SCFD1: variants seen among roughly 807,000 people sequenced by gnomAD.
SCFD1 encodes sec1 family domain-containing protein 1.
SCFD1 carries 37 observed loss-of-function variants against 103.2 expected under a neutral mutation model. The observed-to-expected ratio is 0.36, with a 90% CI of 0.28 to 0.47. The LOEUF (loss-of-function observed/expected upper bound fraction) is 0.47, where lower values mean the gene tolerates loss of function less well. Among genes scored for constraint, SCFD1 ranks in the 20% least tolerant of loss-of-function variants. The probability of loss-of-function intolerance (pLI) is 1.00; values close to 1 mark genes in which losing one functional copy is unlikely to be tolerated. For synonymous variants in SCFD1, 264 were observed against 245.0 expected (o/e 1.08, Z -0.73); for missense variants, 639 against 761.2 (o/e 0.84, Z 1.89).
intron 23 of SCFD1, among the ~76,000 whole-genome samples, chr14:30,723,905 G>T (rs545464274): frequency 2.0e-5 from 3 of 152,066 alleles, no homozygotes; most frequent in Admixed American, 2.0e-4. Context: ...ATTATTTGGG[G>T]TATATACCCA....
At chr14:30,692,142 C>G (rs1205498998) in intron 14 of SCFD1, among the ~76,000 whole-genome samples, 1 of 151,972 alleles carries the variant, frequency 6.6e-6, no homozygotes, top group Non-Finnish European at 1.5e-5. Flanking sequence ...TTTTCCACTT[C>G]TAGAAGTTCG....
chr14:30,638,264 G>A lies in SCFD1; in HGVS notation c.435+17G>A, dbSNP rs1338504714. 1.2e-6 allele frequency: 2 copies of A among 1,612,552 alleles called. No individual in the cohort carries two copies. The highest frequency in any genetic ancestry group is 1.7e-6 in the Non-Finnish European group (2 of 1,179,216). On this transcript the variant is annotated intron_variant, in intron 5 of 24. Coordinates refer to ENST00000458591, the MANE Select transcript of SCFD1 (RefSeq NM_016106.4). The stretch of plus-strand genomic sequence containing the variant: ...GTAGCCAAGGTAAGAGAGTTTGGTG[G>A]GTTGATGACATTTTGTCAATGTAAA...
intron 18 of SCFD1, among the ~76,000 whole-genome samples, chr14:30,706,883 A>G (rs1227245847): frequency 6.6e-6 from 1 of 152,216 alleles, no homozygotes; most frequent in East Asian, 1.9e-4. Context: ...GGCAAAAGGA[A>G]TCCAGCTGGC....
At chr14:30,663,265 C>T (rs753312832) in intron 10 of SCFD1, among the ~76,000 whole-genome samples, 3 of 152,158 alleles carry the variant, frequency 2.0e-5, no homozygotes, top group Non-Finnish European at 4.4e-5. Flanking sequence ...TGAGCTGTGT[C>T]ATCACCATGG....
At chr14:30,648,148 A>G (rs1886035546) in intron 7 of SCFD1, among the ~76,000 whole-genome samples, 1 of 152,182 alleles carries the variant, frequency 6.6e-6, no homozygotes, top group African/African-American at 2.4e-5. Flanking sequence ...TTCTAATTCT[A>G]ATGGGGGTTG....
intron 14 of SCFD1, among the ~76,000 whole-genome samples, chr14:30,678,585 G>C (rs1278790114): frequency 6.6e-6 from 1 of 152,106 alleles, no homozygotes; most frequent in Non-Finnish European, 1.5e-5. Context: ...ATAATTTGTA[G>C]ACAGCCTGTT....
intron 14 of SCFD1, among the ~76,000 whole-genome samples, chr14:30,684,439 G>T (rs1365648564): frequency 6.6e-6 from 1 of 152,148 alleles, no homozygotes; most frequent in Non-Finnish European, 1.5e-5. Context: ...TACACAATCT[G>T]TATATGTATG....
chr14:30,668,728 A>G (rs182555315), intron 10 of SCFD1, among the ~76,000 whole-genome samples: 74 of 152,332 alleles, frequency 4.9e-4, no homozygotes, highest in African/African-American at 1.5e-3. Flanking sequence ...ACCCCATCAA[A>G]AAGTGAGCGA....
At chr14:30,675,785 G>A (rs1345504414) in intron 14 of SCFD1, among the ~76,000 whole-genome samples, 1 of 152,186 alleles carries the variant, frequency 6.6e-6, no homozygotes, top group Non-Finnish European at 1.5e-5. Flanking sequence ...CTGGCTGTCA[G>A]AGAAGTTGAT....
At chr14:30,640,429 C>A (rs879658070) in intron 6 of SCFD1, among the ~76,000 whole-genome samples, 1 of 152,128 alleles carries the variant, frequency 6.6e-6, no homozygotes, top group Non-Finnish European at 1.5e-5. Flanking sequence ...AATGAATTAG[C>A]AACTTATTTA....
chr14:30,661,494 G>C (rs1887446659), intron 10 of SCFD1, among the ~76,000 whole-genome samples: 1 of 152,098 alleles, frequency 6.6e-6, no homozygotes, highest in South Asian at 2.1e-4. Flanking sequence ...TAGAGTGATG[G>C]ATGTCAAATA....
intron 10 of SCFD1, among the ~76,000 whole-genome samples, chr14:30,660,777 T>G (rs1397368303): frequency 6.6e-6 from 1 of 152,196 alleles, no homozygotes; most frequent in African/African-American, 2.4e-5. Flanking sequence ...GAGATGTTTT[T>G]ACACTATTAC....
chr14:30,650,413 G>T, intron 8 of SCFD1, 152 bp from the exon 9 acceptor site: 1 of 616,690 alleles, frequency 1.6e-6, no homozygotes, highest in Non-Finnish European at 2.9e-6. Context: ...ATATGGAAGT[G>T]GTAAGACGGA....
At chr14:30,694,652 G>T in intron 14 of SCFD1, 121 bp from the exon 15 acceptor site, 9 of 1,332,008 alleles carry the variant, frequency 6.8e-6, no homozygotes, top group Non-Finnish European at 8.8e-6. Context: ...CTGTACTTTT[G>T]ACCTGTCTGA....
chr14:30,645,086 G>A (rs1350313803), intron 7 of SCFD1, among the ~76,000 whole-genome samples: 1 of 152,088 alleles, frequency 6.6e-6, no homozygotes, highest in Non-Finnish European at 1.5e-5. Flanking sequence ...TACTGAATAG[G>A]GAGTTCTTTC....
rs1370319661 is a variant in SCFD1 at position 30,650,161 on chromosome 14, C to T, written c.670-404C>T. Among the ~76,000 whole-genome samples the T allele has an allele frequency of 2.0e-5, 3 of 152,266 alleles. 1 individual carries two copies. In the South Asian group the frequency reaches 6.2e-4, roughly 32 times the overall value. Reference sequence around the variant, plus strand: ...GCCTTCTTTCATATATTCCATTTCTCTTCTGAGGCTTCTTGTACCCACCAC... The same window carrying T: ...GCCTTCTTTCATATATTCCATTTCTTTTCTGAGGCTTCTTGTACCCACCAC... On this transcript the variant is annotated intron_variant, in intron 8 of 24. Transcript: ENST00000458591.
intron 14 of SCFD1, among the ~76,000 whole-genome samples, chr14:30,683,857 T>C (rs1889700656): frequency 6.6e-6 from 1 of 152,206 alleles, no homozygotes; most frequent in African/African-American, 2.4e-5. Flanking sequence ...CTTCTTGTCT[T>C]TCTTTTCACT....
chr14:30,712,902 TTTTA>T (rs1891989425), intron 19 of SCFD1, among the ~76,000 whole-genome samples: 1 of 152,204 alleles, frequency 6.6e-6, no homozygotes, highest in South Asian at 2.1e-4. Flanking sequence ...TTTGATAAAA[TTTTA>T]TTTATACCCC....
At chr14:30,627,872 A>G (rs1883678399) in intron 1 of SCFD1, among the ~76,000 whole-genome samples, 1 of 151,768 alleles carries the variant, frequency 6.6e-6, no homozygotes, top group Non-Finnish European at 1.5e-5. Context: ...AAAAAAAAAA[A>G]AAGACTTACC....
Sources: gnomAD v4.1 joint callset for allele counts (sites outside exome capture counted in the v4.1 genomes callset) on GRCh38, gnomAD v4.1.1 for gene constraint, MANE v1.5 for transcripts, NCBI Gene and HGNC (gene_info 2026-07-23, HGNC 2026-07-21) for gene names.